TAFA5: variants seen among roughly 807,000 people sequenced by gnomAD.
TAFA5 encodes the protein chemokine-like protein TAFA-5.
Under a neutral mutation model 15.3 loss-of-function variants are expected in TAFA5, and 6 were observed. The ratio of observed to expected loss-of-function variants is 0.39; its 90% confidence interval spans 0.21 to 0.77. The LOEUF (loss-of-function observed/expected upper bound fraction) is 0.77. Among genes scored for constraint, TAFA5 ranks in the 30% least tolerant of loss-of-function variants. The pLI is 0.41. For missense variants in TAFA5, 161 were observed against 193.1 expected, an observed-to-expected ratio of 0.83 and a Z score of 0.98; for synonymous variants, 103 against 80.7, an observed-to-expected ratio of 1.28 and a Z score of -1.48.
intron 1 of TAFA5, chr22:48,576,573 T>A: frequency 6.8e-7 from 1 of 1,480,802 alleles, no homozygotes; most frequent in Non-Finnish European, 9.0e-7. Context: ...TCAAAGAAGG[T>A]AATTGTCCCC....
At chr22:48,601,959 CATA>C (rs1924989943) in intron 1 of TAFA5, among the ~76,000 whole-genome samples, 4 of 91,952 alleles carry the variant, frequency 4.4e-5, no homozygotes, top group Admixed American at 1.0e-4. Context: ...ATGGCTGGCA[CATA>C]CAGACCGTGC....
intron 2 of TAFA5, among the ~76,000 whole-genome samples, chr22:48,694,479 ACTC>A: frequency 6.6e-6 from 1 of 150,756 alleles, no homozygotes; most frequent in Non-Finnish European, 1.5e-5. Context: ...TGGGACAGAG[ACTC>A]CTCCCAGAAA....
At chr22:48,693,153 G>A in intron 2 of TAFA5, 1 of 790,578 alleles carries the variant, frequency 1.3e-6, no homozygotes, top group East Asian at 2.7e-5. Context: ...TCGAGTCGAA[G>A]CCTCTGCTGG....
chr22:48,688,652 G>A (rs907112636), intron 2 of TAFA5, among the ~76,000 whole-genome samples: 6 of 152,196 alleles, frequency 3.9e-5, no homozygotes, highest in African/African-American at 1.4e-4. Flanking sequence ...GCTGAAAGGA[G>A]AGTCTTGACT....
chr22:48,511,696 C>A, intron 1 of TAFA5, among the ~76,000 whole-genome samples: 1 of 152,232 alleles, frequency 6.6e-6, no homozygotes, highest in African/African-American at 2.4e-5. Context: ...TGTCACCCGG[C>A]CCGGCACACA....
chr22:48,610,850 T>G (rs1452212476), intron 1 of TAFA5, among the ~76,000 whole-genome samples: 1 of 152,148 alleles, frequency 6.6e-6, no homozygotes, highest in African/African-American at 2.4e-5. Context: ...CCTCCCAGAC[T>G]GTGGTGGGAC....
At chr22:48,650,363 C>A (rs1927009870) in intron 2 of TAFA5, among the ~76,000 whole-genome samples, 2 of 152,182 alleles carry the variant, frequency 1.3e-5, no homozygotes, top group African/African-American at 2.4e-5. Context: ...ATACCCATGG[C>A]AGCAGAAGAG....
intron 2 of TAFA5, among the ~76,000 whole-genome samples, chr22:48,661,707 C>G (rs561481637): frequency 6.6e-6 from 1 of 152,338 alleles, no homozygotes; most frequent in South Asian, 2.1e-4. Context: ...GCGTCCTCCT[C>G]CCTGCACATC....
intron 1 of TAFA5, among the ~76,000 whole-genome samples, chr22:48,625,219 C>T (rs73173469): frequency 7.7e-4 from 117 of 152,178 alleles, no homozygotes; most frequent in Non-Finnish European, 1.4e-3. Flanking sequence ...CCTTCTTGGC[C>T]GACAGAGGGA....
intron 1 of TAFA5, among the ~76,000 whole-genome samples, chr22:48,499,947 C>T (rs1276082457): frequency 1.3e-5 from 2 of 152,170 alleles, no homozygotes; most frequent in Non-Finnish European, 2.9e-5. Context: ...AGCTCCAGAT[C>T]TGGTCAGCTG....
intron 1 of TAFA5, among the ~76,000 whole-genome samples, chr22:48,502,581 G>C (rs1167741292): frequency 6.7e-6 from 1 of 150,240 alleles, no homozygotes; most frequent in Non-Finnish European, 1.5e-5. Flanking sequence ...GAGTGAAGTG[G>C]TGTGATCTCG....
intron 2 of TAFA5, among the ~76,000 whole-genome samples, chr22:48,662,943 G>A (rs1927495692): frequency 6.6e-6 from 1 of 152,178 alleles, no homozygotes; most frequent in African/African-American, 2.4e-5. Flanking sequence ...GTGAATAAAG[G>A]TCTCCTTTAA....
At chr22:48,618,046 G>A (rs1272033989) in intron 1 of TAFA5, among the ~76,000 whole-genome samples, 7 of 152,252 alleles carry the variant, frequency 4.6e-5, no homozygotes. Flanking sequence ...AACCCAGTAA[G>A]TGTGGCGCCA....
At chr22:48,691,307 C>T (rs556630255) in intron 2 of TAFA5, among the ~76,000 whole-genome samples, 5 of 152,340 alleles carry the variant, frequency 3.3e-5, no homozygotes, top group South Asian at 2.1e-4. Flanking sequence ...TGGGCGGGGC[C>T]GTCTTTCCAA....
At chr22:48,562,392 C>A (rs1368663525) in intron 1 of TAFA5, among the ~76,000 whole-genome samples, 2 of 152,202 alleles carry the variant, frequency 1.3e-5, no homozygotes, top group Non-Finnish European at 2.9e-5. Context: ...CCTGCCTCGG[C>A]CTCCCAAAGT....
intron 1 of TAFA5, among the ~76,000 whole-genome samples, chr22:48,621,451 C>G (rs567815926): frequency 6.6e-6 from 1 of 152,056 alleles, no homozygotes; most frequent in Non-Finnish European, 1.5e-5. Context: ...ACAGGAACCC[C>G]CATGCCCATC....
chr22:48,556,356 C>T (rs186565876), intron 1 of TAFA5, among the ~76,000 whole-genome samples: 383 of 152,290 alleles, frequency 2.5e-3, no homozygotes, highest in African/African-American at 8.6e-3. Context: ...CTCCATCCTG[C>T]GCACCACAGG....
At chr22:48,517,719 G>A (rs1470494609) in intron 1 of TAFA5, among the ~76,000 whole-genome samples, 2 of 152,134 alleles carry the variant, frequency 1.3e-5, no homozygotes, top group South Asian at 2.1e-4. Flanking sequence ...CTGGGGCACC[G>A]AGATCCCCAC....
chr22:48,728,813 G>C (rs1929780272), intron 3 of TAFA5, among the ~76,000 whole-genome samples: 1 of 152,210 alleles, frequency 6.6e-6, no homozygotes, highest in Non-Finnish European at 1.5e-5. Context: ...GGCATGGAGT[G>C]TGTCATTGCA....
Sources: allele counts gnomAD v4.1 joint callset (sites outside exome capture counted in the v4.1 genomes callset), GRCh38; gene constraint gnomAD v4.1.1; transcripts MANE v1.5; gene names NCBI Gene and HGNC (gene_info 2026-07-23, HGNC 2026-07-21).